The following HLCS variants were observed in gnomAD, a reference collection of about 807,000 sequenced individuals.
The protein encoded by HLCS is holocarboxylase synthetase.
In HLCS, 53 loss-of-function variants were observed where a neutral mutation model predicts 75.0. The ratio of observed to expected loss-of-function variants is 0.71; its 90% CI spans 0.57 to 0.89. The LOEUF (loss-of-function observed/expected upper bound fraction) is 0.89. Among genes scored for constraint, HLCS ranks in the 40% least tolerant of loss-of-function variants. The pLI is 0.00. For synonymous variants in HLCS, 431 were observed against 428.6 expected (o/e 1.01, Z -0.07); for missense variants, 966 against 1,074.0 (o/e 0.90, Z 1.41).
chr21:36,794,593 C>T (rs1431295659), intron 6 of HLCS, among the ~76,000 whole-genome samples: 1 of 152,152 alleles, frequency 6.6e-6, no homozygotes, highest in Non-Finnish European at 1.5e-5. Flanking sequence ...TGGAAGTGTG[C>T]AGGTCATAGT....
intron 5 of HLCS, among the ~76,000 whole-genome samples, chr21:36,912,697 A>G (rs1361254193): frequency 6.6e-6 from 1 of 152,116 alleles, no homozygotes; most frequent in African/African-American, 2.4e-5. Flanking sequence ...GAGAGAGAGA[A>G]GGAGTCAGGA....
At chr21:36,846,984 T>G (rs1411385831) in intron 6 of HLCS, among the ~76,000 whole-genome samples, 1 of 152,192 alleles carries the variant, frequency 6.6e-6, no homozygotes, top group East Asian at 1.9e-4. Context: ...TTTTGTAGCC[T>G]TTTCAAAAAC....
chr21:36,959,740 T>G (rs1471111659), intron 2 of HLCS, among the ~76,000 whole-genome samples: 2 of 152,160 alleles, frequency 1.3e-5, no homozygotes, highest in Non-Finnish European at 2.9e-5. Flanking sequence ...CCACTTCAGG[T>G]CTCCTGAGAG....
chr21:36,956,760 A>G (rs1047369099), intron 2 of HLCS, among the ~76,000 whole-genome samples: 3 of 151,736 alleles, frequency 2.0e-5, no homozygotes, highest in African/African-American at 7.3e-5. Context: ...AAAATAAATA[A>G]AAGTCCAAGG....
At chr21:36,893,432 G>GT (rs1680521615) in intron 6 of HLCS, among the ~76,000 whole-genome samples, 3 of 152,074 alleles carry the variant, frequency 2.0e-5, no homozygotes, top group Admixed American at 1.3e-4. Context: ...AGTAAATTCT[G>GT]TTACCTAGAA....
chr21:36,874,230 G>A (rs954508309), intron 6 of HLCS, among the ~76,000 whole-genome samples: 3 of 151,852 alleles, frequency 2.0e-5, no homozygotes, highest in African/African-American at 4.8e-5. Context: ...GTGAAACCCC[G>A]TCTCTACTAA....
At chr21:36,947,113 T>C (rs187997842) in intron 2 of HLCS, among the ~76,000 whole-genome samples, 69 of 152,266 alleles carry the variant, frequency 4.5e-4, no homozygotes, top group African/African-American at 1.4e-3. Flanking sequence ...GCTCAGCCAA[T>C]GGAGACTCAA....
intron 6 of HLCS, among the ~76,000 whole-genome samples, chr21:36,769,062 T>C (rs2090141470): frequency 1.3e-5 from 2 of 152,106 alleles, no homozygotes; most frequent in African/African-American, 4.8e-5. Flanking sequence ...TCATGGGCTA[T>C]AGCCAGGGAC....
Position 36,750,210 on chromosome 21 carries a change from C to T in HLCS, c.*4036G>A, listed in dbSNP as rs1442912178. Among the ~76,000 whole-genome samples, 3 of 152,078 alleles carry T rather than the reference C, an allele frequency of 2.0e-5. No individual in the cohort carries two copies. Among genetic ancestry groups the T allele is most frequent in the Non-Finnish European group, 2.9e-5 (2 of 68,014 alleles). Reference sequence around the variant, plus strand: ...AGAGGAAGCATTTTAATACATATGCCTCTCTTTTACAAAAAAGAAAAAAAA... The same window carrying T: ...AGAGGAAGCATTTTAATACATATGCTTCTCTTTTACAAAAAAGAAAAAAAA... On this transcript the variant is annotated 3_prime_UTR_variant, in exon 11 of 11. Coordinates refer to ENST00000674895, the MANE Select transcript of HLCS (RefSeq NM_001352514.2).
chr21:36,802,921 T>A (rs1445022099), intron 6 of HLCS, among the ~76,000 whole-genome samples: 1 of 152,212 alleles, frequency 6.6e-6, no homozygotes, highest in Non-Finnish European at 1.5e-5. Context: ...AATCTCAAAA[T>A]AAGACTTCTA....
intron 6 of HLCS, among the ~76,000 whole-genome samples, chr21:36,894,588 G>A (rs2064934029): frequency 1.3e-5 from 2 of 152,120 alleles, no homozygotes; most frequent in African/African-American, 4.8e-5. Flanking sequence ...CGGATGCAGG[G>A]CATCTGGTAA....
intron 5 of HLCS, among the ~76,000 whole-genome samples, chr21:36,910,503 G>A (rs897186212): frequency 3.3e-5 from 5 of 151,136 alleles, no homozygotes; most frequent in South Asian, 2.1e-4. Flanking sequence ...CAGAGATCGC[G>A]CCACTGCACT....
chr21:36,876,038 C>T (rs1012807682), intron 6 of HLCS, among the ~76,000 whole-genome samples: 4 of 152,128 alleles, frequency 2.6e-5, no homozygotes, highest in African/African-American at 9.6e-5. Context: ...GGAGGCAGCA[C>T]CCGTGCCAGG....
At chr21:36,828,180 T>C (rs1294645694) in intron 6 of HLCS, among the ~76,000 whole-genome samples, 1 of 152,142 alleles carries the variant, frequency 6.6e-6, no homozygotes, top group Non-Finnish European at 1.5e-5. Context: ...TTTAATGTTG[T>C]TGGGTGTGCA....
At chr21:36,845,756 T>C (rs1004334917) in intron 6 of HLCS, among the ~76,000 whole-genome samples, 3 of 152,098 alleles carry the variant, frequency 2.0e-5, no homozygotes, top group Admixed American at 6.6e-5. Context: ...TTGTGCTAAG[T>C]AGGTAAAAAA....
chr21:36,914,693 G>A (rs540117974), intron 5 of HLCS, among the ~76,000 whole-genome samples: 1 of 152,344 alleles, frequency 6.6e-6, no homozygotes, highest in South Asian at 2.1e-4. Flanking sequence ...TATTCTGCAA[G>A]TGCAGAGACC....
intron 1 of HLCS, among the ~76,000 whole-genome samples, chr21:36,984,970 T>G (rs2069199999): frequency 6.6e-6 from 1 of 152,084 alleles, no homozygotes; most frequent in East Asian, 1.9e-4. Flanking sequence ...AATTACTATA[T>G]ATCCATTCAG....
rs1030820381 is a variant in HLCS at position 36,966,501 on chromosome 21, C to T, written c.138G>A (p.Pro46=). ...FTFCGAAAQP[P]GARVCLSRGG... ...CACGGCTCAGGCACACGCGGGCGCC[C>T]GGGGGCTGCGCGGCCGCGCCGCAGA... The change falls in exon 1 of 11, where the codon CCG becomes CCA. Residue 46 remains proline, a synonymous_variant. Coordinates refer to ENST00000674895, the MANE Select transcript of HLCS (RefSeq NM_001352514.2). 1.0e-6 allele frequency: 1 copy of T among 986,354 alleles called. No individual in the cohort carries two copies. 61.1% of individuals were successfully genotyped at this position (986,354 alleles called of 1,614,324 possible).
At chr21:36,904,999 T>C (rs1234226225) in intron 5 of HLCS, among the ~76,000 whole-genome samples, 1 of 152,238 alleles carries the variant, frequency 6.6e-6, no homozygotes, top group African/African-American at 2.4e-5. Context: ...TATCAGAGGA[T>C]AGCTAAAACG....
Sources: gnomAD v4.1 joint callset for allele counts (sites outside exome capture counted in the v4.1 genomes callset) on GRCh38, gnomAD v4.1.1 for gene constraint, MANE v1.5 for transcripts, NCBI Gene and HGNC (gene_info 2026-07-23, HGNC 2026-07-21) for gene names.